Variants in DPH6 observed in about 807,000 individuals in gnomAD.
DPH6 encodes diphthamine biosynthesis 6, also known as diphthine--ammonia ligase.
Under a neutral mutation model 38.2 loss-of-function variants are expected in DPH6, and 33 were observed. The observed-to-expected ratio is 0.86, with a 90% CI of 0.65 to 1.15. The LOEUF (loss-of-function observed/expected upper bound fraction) is 1.15. DPH6 is among the 50% of genes most tolerant of loss of function. The probability of loss-of-function intolerance (pLI) is 0.00; values close to 1 mark genes in which losing one functional copy is unlikely to be tolerated. For missense variants in DPH6, 325 were observed against 320.0 expected (o/e 1.02, Z -0.12); for synonymous variants, 108 against 103.0 (o/e 1.05, Z -0.30).
chr15:35,490,245 G>C, intron 3 of DPH6: 1 of 957,418 alleles, frequency 1.0e-6, no homozygotes, highest in Non-Finnish European at 1.2e-6. Context: ...AAACAAATAA[G>C]AAGACAGGCT....
intron 3 of DPH6, among the ~76,000 whole-genome samples, chr15:35,533,059 A>T (rs1411015368): frequency 6.6e-6 from 1 of 151,628 alleles, no homozygotes; most frequent in Non-Finnish European, 1.5e-5. Context: ...GTGAGCTGAG[A>T]TCGTGCCATT....
the DPH6 span, among the ~76,000 whole-genome samples, chr15:35,197,226 G>A: frequency 6.6e-6 from 1 of 152,164 alleles, no homozygotes; most frequent in Non-Finnish European, 1.5e-5. Context: ...TTGGAACTAA[G>A]TGCTGAACAG....
the DPH6 span, among the ~76,000 whole-genome samples, chr15:35,180,523 C>T: frequency 1.2e-4 from 18 of 152,194 alleles, no homozygotes; most frequent in African/African-American, 3.9e-4. Context: ...GGCTGGCACA[C>T]GATCATGGCT....
chr15:35,327,616 G>A (rs569413007), downstream of DPH6, among the ~76,000 whole-genome samples: 7 of 152,176 alleles, frequency 4.6e-5, no homozygotes, highest in East Asian at 3.9e-4. Flanking sequence ...AAGTGCCACC[G>A]TGCCTGGCCT....
intron 3 of DPH6, chr15:35,298,939 C>A (rs1305364426): frequency 2.5e-6 from 2 of 791,582 alleles, no homozygotes; most frequent in Non-Finnish European, 4.6e-6. Flanking sequence ...GCAGCTCCGC[C>A]CATACTTGTT....
intron 3 of DPH6, among the ~76,000 whole-genome samples, chr15:35,253,323 T>C (rs2051686613): frequency 6.6e-6 from 1 of 152,230 alleles, no homozygotes; most frequent in Non-Finnish European, 1.5e-5. Context: ...ACTGCTTCCT[T>C]GGTATAGACC....
intron 3 of DPH6, among the ~76,000 whole-genome samples, chr15:35,225,476 A>G: frequency 6.6e-6 from 1 of 152,188 alleles, no homozygotes; most frequent in Non-Finnish European, 1.5e-5. Context: ...TTTATACTTT[A>G]AATTTTGTTG....
chr15:35,247,099 C>T (rs1469010891), intron 3 of DPH6, among the ~76,000 whole-genome samples: 1 of 152,118 alleles, frequency 6.6e-6, no homozygotes, highest in Admixed American at 6.5e-5. Context: ...CATTCCACAC[C>T]AAGGAGCAAA....
chr15:35,323,389 G>A (rs1041690760), intron 3 of DPH6, among the ~76,000 whole-genome samples: 2 of 152,032 alleles, frequency 1.3e-5, no homozygotes, highest in Non-Finnish European at 2.9e-5. Context: ...ATTTGGGGAA[G>A]GAGGGGAAAA....
At chr15:35,470,130 A>G (rs531627434) in intron 3 of DPH6, among the ~76,000 whole-genome samples, 1 of 152,184 alleles carries the variant, frequency 6.6e-6, no homozygotes, top group Admixed American at 6.5e-5. Flanking sequence ...CCCGGGAGGC[A>G]GAGGTTGCAG....
At chr15:35,388,369 A>G (rs2053002326) in intron 6 of DPH6, among the ~76,000 whole-genome samples, 1 of 152,132 alleles carries the variant, frequency 6.6e-6, no homozygotes, top group Non-Finnish European at 1.5e-5. Flanking sequence ...AATGAGTTAC[A>G]GAGGATTTCC....
intron 3 of DPH6, among the ~76,000 whole-genome samples, chr15:35,241,314 A>G (rs1357478184): frequency 1.4e-5 from 2 of 142,324 alleles, no homozygotes; most frequent in Non-Finnish European, 3.1e-5. Flanking sequence ...TAACTCTCAC[A>G]GTGGAAGGTT....
exon 4 of DPH6, chr15:35,218,971 A>T (rs1338313586): frequency 6.6e-6 from 1 of 152,224 alleles, no homozygotes; most frequent in Non-Finnish European, 1.5e-5. Context: ...AGATGATAGT[A>T]GCTAGGATTC....
chr15:35,386,304 A>G (rs1328833262), intron 6 of DPH6, among the ~76,000 whole-genome samples: 13 of 152,198 alleles, frequency 8.5e-5, no homozygotes, highest in Admixed American at 1.3e-4. Context: ...GCTGCAATAA[A>G]CATATGTGTG....
chr15:35,226,264 T>C (rs951024489), intron 3 of DPH6, among the ~76,000 whole-genome samples: 11 of 152,248 alleles, frequency 7.2e-5, no homozygotes, highest in Non-Finnish European at 1.3e-4. Flanking sequence ...GATAGCTTTA[T>C]TTTTTCAGCT....
At chr15:35,493,951 C>T (rs529515092) in intron 3 of DPH6, among the ~76,000 whole-genome samples, 20 of 152,208 alleles carry the variant, frequency 1.3e-4, no homozygotes, top group East Asian at 3.9e-4. Flanking sequence ...TATCCCAGCA[C>T]GTACAATATA....
chr15:35,530,950 C>A (rs1046809354), intron 3 of DPH6, among the ~76,000 whole-genome samples: 1 of 152,080 alleles, frequency 6.6e-6, no homozygotes, highest in African/African-American at 2.4e-5. Context: ...TGCCAAGGGA[C>A]CAGGTTTAAT....
rs752684520 is a variant in DPH6, at chr15:35,542,541, T to C, written c.24-34A>G. 40 of 1,511,376 alleles carry C rather than the reference T, an allele frequency of 2.6e-5. No individual in the cohort carries two copies. The East Asian group carries it at 8.9e-4, about 34-fold the overall frequency. 93.6% of individuals were successfully genotyped at this position (1,511,376 alleles called of 1,614,324 possible). A position where few individuals can be genotyped will look rare whatever the true frequency, so the allele number is the denominator to read the frequency against. Reference sequence around the variant, plus strand: ...TAAATCAAGAGAGGGACAAATATCATGCTACTGACCATTATTCAACATAAA... The same window carrying C: ...TAAATCAAGAGAGGGACAAATATCACGCTACTGACCATTATTCAACATAAA... On this transcript the variant is annotated intron_variant, in intron 1 of 8. Coordinates refer to ENST00000256538, the MANE Select transcript of DPH6 (RefSeq NM_080650.4).
intron 3 of DPH6, among the ~76,000 whole-genome samples, chr15:35,461,584 CT>C (rs112609768): frequency 0.04 from 5,560 of 138,998 alleles, 106 homozygotes; most frequent in East Asian, 0.11. Context: ...TAGTTGTGAT[CT>C]TTTTTTTTTT....
Sources: gnomAD v4.1 joint callset for allele counts (sites outside exome capture counted in the v4.1 genomes callset) on GRCh38, gnomAD v4.1.1 for gene constraint, MANE v1.5 for transcripts, NCBI Gene and HGNC (gene_info 2026-07-23, HGNC 2026-07-21) for gene names.